The following UGT1A9 variants were observed in gnomAD, a reference collection of about 807,000 sequenced individuals.
UGT1A9 encodes UDP-glucuronosyltransferase 1A9.
UGT1A9 carries 35 observed loss-of-function variants against 45.0 expected under a neutral mutation model. The observed-to-expected ratio is 0.78, with a 90% CI of 0.59 to 1.03. The LOEUF is 1.03. Among genes scored for constraint, UGT1A9 ranks in the 50% least tolerant of loss-of-function variants. The probability of loss-of-function intolerance (pLI) is 0.00; values close to 1 mark genes in which losing one functional copy is unlikely to be tolerated. For synonymous variants in UGT1A9, 278 were observed against 250.6 expected (o/e 1.11, Z -1.03); for missense variants, 687 against 666.6 (o/e 1.03, Z -0.34).
At chr2:233,737,246 C>G (rs535872842) in intron 1 of UGT1A9, among the ~76,000 whole-genome samples, 2 of 152,238 alleles carry the variant, frequency 1.3e-5, no homozygotes, top group Non-Finnish European at 2.9e-5. Flanking sequence ...TGTTTACCTA[C>G]TCAAGCCTCA....
intron 1 of UGT1A9, among the ~76,000 whole-genome samples, chr2:233,680,316 A>G (rs1255597267): frequency 6.6e-6 from 1 of 152,208 alleles, no homozygotes; most frequent in African/African-American, 2.4e-5. Context: ...AATTTACTAG[A>G]GAGAAGAAAC....
At chr2:233,681,272 G>C (rs1186319334) in intron 1 of UGT1A9, among the ~76,000 whole-genome samples, 1 of 152,018 alleles carries the variant, frequency 6.6e-6, no homozygotes, top group Non-Finnish European at 1.5e-5. Context: ...AGTGGCTCAC[G>C]CCTGTAATCC....
intron 1 of UGT1A9, chr2:233,690,415 C>A: frequency 8.3e-7 from 1 of 1,207,142 alleles, no homozygotes; most frequent in Non-Finnish European, 1.1e-6. Flanking sequence ...CATGAAATTA[C>A]CTTCATGCAC....
intron 1 of UGT1A9, among the ~76,000 whole-genome samples, chr2:233,716,295 T>C (rs1461759627): frequency 1.3e-5 from 2 of 152,216 alleles, no homozygotes; most frequent in Non-Finnish European, 2.9e-5. Flanking sequence ...ATCACATCTA[T>C]AAAGTCTCTT....
intron 1 of UGT1A9, 105 bp downstream of exon 1, chr2:233,672,894 A>G (rs1354580302): frequency 6.6e-7 from 1 of 1,513,026 alleles, no homozygotes; most frequent in African/African-American, 1.4e-5. Flanking sequence ...TTTCATTTCA[A>G]ATTTCTTTCC....
chr2:233,754,656 T>C (rs776841418), intron 1 of UGT1A9: 5 of 458,568 alleles, frequency 1.1e-5, no homozygotes. Flanking sequence ...AATGATTCTC[T>C]TGGTGGTGAT....
At chr2:233,759,652 C>G (rs35665780) in intron 1 of UGT1A9, among the ~76,000 whole-genome samples, 1 of 121,978 alleles carries the variant, frequency 8.2e-6, no homozygotes, top group East Asian at 2.9e-4. Context: ...TTCACGATTT[C>G]TAAGTTCCTG....
At chr2:233,682,872 C>T (rs1348712274) in intron 1 of UGT1A9, 1 of 1,521,250 alleles carries the variant, frequency 6.6e-7, no homozygotes, top group South Asian at 1.3e-5. Context: ...CATAATTTAT[C>T]ATTTACATTT....
intron 1 of UGT1A9, chr2:233,713,872 C>A (rs1406341020): frequency 3.1e-6 from 5 of 1,613,636 alleles, no homozygotes; most frequent in Middle Eastern, 1.7e-4. Context: ...TGTATTGGTG[C>A]CTTTATCCAA....
At chr2:233,700,322 C>T (rs1432582141) in intron 1 of UGT1A9, among the ~76,000 whole-genome samples, 1 of 152,230 alleles carries the variant, frequency 6.6e-6, no homozygotes, top group Non-Finnish European at 1.5e-5. Context: ...CTTTAAAATT[C>T]TGCCTCTCTT....
chr2:233,732,797 G>A (rs1219460969), intron 1 of UGT1A9, among the ~76,000 whole-genome samples: 2 of 150,530 alleles, frequency 1.3e-5, no homozygotes, highest in Non-Finnish European at 3.0e-5. Context: ...GGCAATGCAG[G>A]CTCTTTTTTG....
intron 1 of UGT1A9, chr2:233,755,082 TCGCGTTTCTA>T (rs745681833): frequency 9.0e-6 from 12 of 1,336,714 alleles, no homozygotes; most frequent in Middle Eastern, 2.1e-4. Context: ...GTCATAGATA[TCGCGTTTCTA>T]CGCGTCCGAC....
rs72551358 is a variant in UGT1A9 at position 233,772,345 on chromosome 2, A to T, written c.1379A>T (p.Glu460Val). Residue 460 changes from glutamate (E) to valine (V), a missense_variant, in exon 5 of 5, where the codon GAG becomes GTG. Coordinates refer to ENST00000354728, the MANE Select transcript of UGT1A9 (RefSeq NM_021027.3). ...CTGGACCTGGCCGTGTTCTGGGTGGAGTTTGTGATGAGGCACAAGGGCGCG... is the reference window on the plus strand; with the variant it reads ...CTGGACCTGGCCGTGTTCTGGGTGGTGTTTGTGATGAGGCACAAGGGCGCG... ...EPLDLAVFWV[E>V]FVMRHKGAPH... 7 of 1,614,196 alleles carry T rather than the reference A, an allele frequency of 4.3e-6. No homozygotes were observed. In the South Asian group the frequency reaches 7.7e-5, roughly 18 times the overall value.
chr2:233,698,436 A>T (rs1260563861), intron 1 of UGT1A9, among the ~76,000 whole-genome samples: 2 of 152,326 alleles, frequency 1.3e-5, no homozygotes, highest in African/African-American at 4.8e-5. Flanking sequence ...AGAAAAGAAG[A>T]TATATCACAG....
In UGT1A9 at chr2:233,772,986, C is replaced by A; in HGVS notation, c.*427C>A. 3.5e-6 allele frequency: 1 copy of A among 282,682 alleles called. No homozygotes were observed. The highest frequency in any genetic ancestry group is 6.8e-6 in the Non-Finnish European group (1 of 146,824). 17.5% of individuals were successfully genotyped at this position (282,682 alleles called of 1,614,324 possible). A position where few individuals can be genotyped will look rare whatever the true frequency, so the allele number is the denominator to read the frequency against. On this transcript the variant is annotated 3_prime_UTR_variant, in exon 5 of 5. Transcript: ENST00000354728. ...TGATCCTTAACCAATAATGGTCAGTCCTCATCTCTGTCGTGCTTCATAGGT... is the reference window on the plus strand; with the variant it reads ...TGATCCTTAACCAATAATGGTCAGTACTCATCTCTGTCGTGCTTCATAGGT...
chr2:233,767,252 T>C (rs959458816), intron 2 of UGT1A9, 87 bp downstream of exon 2: 5 of 1,599,856 alleles, frequency 3.1e-6, no homozygotes, highest in East Asian at 2.2e-5. Context: ...ATTCTCTTAA[T>C]TGGAACCTTA....
chr2:233,691,858 T>G (rs966691161), intron 1 of UGT1A9: 1 of 157,408 alleles, frequency 6.4e-6, no homozygotes, highest in Non-Finnish European at 1.4e-5. Context: ...TTGTGATGTA[T>G]AATAAGAAAT....
At position 233,767,859 on chromosome 2, in the gene UGT1A9, G is replaced by A. The variant is rs750453538; in HGVS notation, c.998G>A (p.Arg333Gln). ...LGKIPQTVLW[R>Q]YTGTRPSNLA... The stretch of plus-strand genomic sequence containing the variant: ...TTTTGCCCCTCCCAGGTCCTGTGGC[G>A]GTACACTGGAACCCGACCATCGAAT... The change falls in exon 3 of 5, where the codon CGG becomes CAG. Residue 333 changes from arginine to glutamine, a missense_variant. Arg to Gln is a conservative substitution (Grantham distance 43). Transcript: ENST00000354728. 15 of 1,613,938 alleles carry A rather than the reference G, an allele frequency of 9.3e-6. No homozygotes were observed. The highest frequency in any genetic ancestry group is 5.3e-5 in the African/African-American group (4 of 74,850).
intron 1 of UGT1A9, among the ~76,000 whole-genome samples, chr2:233,724,483 C>CA (rs2077265873): frequency 1.5e-5 from 1 of 68,754 alleles, no homozygotes; most frequent in Non-Finnish European, 3.0e-5. Context: ...ACTTCTCAGA[C>CA]GGGGCGGCCG....
Sources: gnomAD v4.1 joint callset for allele counts (sites outside exome capture counted in the v4.1 genomes callset) on GRCh38, gnomAD v4.1.1 for gene constraint, MANE v1.5 for transcripts, NCBI Gene and HGNC (gene_info 2026-07-23, HGNC 2026-07-21) for gene names.